The following RPGRIP1L variants were observed in gnomAD, a reference collection of about 807,000 sequenced individuals.
The protein encoded by RPGRIP1L is protein fantom.
A neutral mutation model predicts 160.4 loss-of-function variants in RPGRIP1L; 131 were observed. The ratio of observed to expected loss-of-function variants is 0.82; its 90% confidence interval spans 0.71 to 0.94. The LOEUF is 0.94. Among genes scored for constraint, RPGRIP1L ranks in the 40% least tolerant of loss-of-function variants. The pLI is 0.00. For missense variants in RPGRIP1L, 1,522 were observed against 1,535.8 expected (o/e 0.99, Z 0.15); for synonymous variants, 510 against 515.8 (o/e 0.99, Z 0.15).
At chr16:53,651,911 T>C (rs966237259) in intron 15 of RPGRIP1L, among the ~76,000 whole-genome samples, 2 of 151,610 alleles carry the variant, frequency 1.3e-5, no homozygotes, top group African/African-American at 2.4e-5. Context: ...TATTAAACCA[T>C]AAATAATTTA....
intron 23 of RPGRIP1L, among the ~76,000 whole-genome samples, chr16:53,621,658 A>G (rs1964719631): frequency 6.6e-6 from 1 of 152,174 alleles, no homozygotes; most frequent in African/African-American, 2.4e-5. Flanking sequence ...ATAAATTTTG[A>G]CAAATGATGC....
intron 25 of RPGRIP1L, among the ~76,000 whole-genome samples, chr16:53,609,534 T>A (rs1046194628): frequency 2.6e-5 from 4 of 152,178 alleles, no homozygotes; most frequent in African/African-American, 9.7e-5. Flanking sequence ...TCTCCCAATA[T>A]GATCTCACAT....
chr16:53,649,392 T>C (rs1272568586), intron 15 of RPGRIP1L, among the ~76,000 whole-genome samples: 2 of 152,232 alleles, frequency 1.3e-5, no homozygotes, highest in African/African-American at 2.4e-5. Context: ...TTCTGAAATA[T>C]ATTTTAAAAA....
rs1968873177 is a variant in RPGRIP1L at position 53,673,007 on chromosome 16, T to C, written c.892A>G (p.Thr298Ala). ...AAAGCATCGTGGCTGATTCTGAGAG[T>C]TCTTTGCTTCTAAAAGATAAAAAGA... The part of the protein sequence containing the change: ...KFIQLQEKQR[T>A]LRISHDALMA... The change falls in exon 8 of 27, where the codon ACT (threonine) becomes GCT (alanine). Residue 298 changes from threonine (T) to alanine (A), a missense_variant. Transcript: ENST00000647211. 6.2e-7 allele frequency: 1 copy of C among 1,612,544 alleles called. No homozygotes were observed. Among genetic ancestry groups the C allele is most frequent in the Non-Finnish European group, 8.5e-7 (1 of 1,179,368 alleles).
intron 26 of RPGRIP1L, 27 bp from the exon 27 acceptor site, chr16:53,602,215 T>C (rs1567785977): frequency 6.8e-7 from 1 of 1,463,318 alleles, no homozygotes; most frequent in East Asian, 2.3e-5. Flanking sequence ...AGGAAAGTGT[T>C]AATATCATTC....
At chr16:53,658,571 GAACT>G (rs1405972426) in intron 11 of RPGRIP1L, 107 bp from the exon 12 acceptor site, 27 of 970,666 alleles carry the variant, frequency 2.8e-5, no homozygotes, top group Non-Finnish European at 4.4e-5. Context: ...CTGATGCCAT[GAACT>G]AACAAACTAA....
chr16:53,625,426 G>A (rs1349543803), intron 22 of RPGRIP1L, among the ~76,000 whole-genome samples: 27 of 147,752 alleles, frequency 1.8e-4, no homozygotes, highest in African/African-American at 5.7e-4. Context: ...CCCCGTCTGG[G>A]GGGTGGGGTG....
chr16:53,676,937 T>C (rs2151271089), intron 6 of RPGRIP1L, among the ~76,000 whole-genome samples: 1 of 152,218 alleles, frequency 6.6e-6, no homozygotes, highest in Admixed American at 6.5e-5. Context: ...CCGGCCGCAG[T>C]ATGTTGATAC....
chr16:53,681,625 C>A (rs554766172), intron 6 of RPGRIP1L, among the ~76,000 whole-genome samples: 22 of 152,204 alleles, frequency 1.4e-4, no homozygotes, highest in African/African-American at 5.1e-4. Context: ...TAGACCACAA[C>A]AACAGGAAAA....
chr16:53,665,061 A>G (rs1968124146), intron 9 of RPGRIP1L, 52 bp from the exon 10 acceptor site: 1 of 1,608,388 alleles, frequency 6.2e-7, no homozygotes, highest in Admixed American at 1.7e-5. Flanking sequence ...GCTTCAACCG[A>G]AAATAATAAA....
chr16:53,659,875 G>C (rs927990841), intron 10 of RPGRIP1L: 1 of 151,876 alleles, frequency 6.6e-6, no homozygotes, highest in Non-Finnish European at 1.5e-5. Context: ...GCAAGACTCT[G>C]TCCCCCCAAA....
At chr16:53,603,674 ATGTGTGTGTGTGTGTG>A (rs3035223) in intron 26 of RPGRIP1L, among the ~76,000 whole-genome samples, 31 of 148,062 alleles carry the variant, frequency 2.1e-4, no homozygotes, top group African/African-American at 7.7e-4. Flanking sequence ...TTGAACTTTA[ATGTGTGTGTGTGTGTG>A]TGTGTGTGTG....
chr16:53,615,437 T>C, intron 24 of RPGRIP1L, among the ~76,000 whole-genome samples: 1 of 148,962 alleles, frequency 6.7e-6, no homozygotes, highest in Non-Finnish European at 1.5e-5. Context: ...TTTTTCAGTG[T>C]TGGTATTTCT....
intron 2 of RPGRIP1L, 31 bp from the exon 3 acceptor site, chr16:53,696,326 G>C: frequency 6.2e-7 from 1 of 1,610,858 alleles, no homozygotes; most frequent in Non-Finnish European, 8.5e-7. Flanking sequence ...TTAATTGTGA[G>C]GTTACTTAAA....
intron 25 of RPGRIP1L, among the ~76,000 whole-genome samples, 159 bp downstream of exon 25, chr16:53,610,808 G>C (rs1210984905): frequency 2.0e-5 from 3 of 152,154 alleles, no homozygotes; most frequent in Non-Finnish European, 2.9e-5. Context: ...CTAGGAGGAA[G>C]GCGATCTACA....
chr16:53,698,098 C>T (rs929797415), intron 2 of RPGRIP1L, among the ~76,000 whole-genome samples: 3 of 151,708 alleles, frequency 2.0e-5, no homozygotes, highest in Admixed American at 6.6e-5. Flanking sequence ...GCCACCCCAT[C>T]TGAGAAGGGA....
At chr16:53,622,841 ACAC>A in intron 22 of RPGRIP1L, among the ~76,000 whole-genome samples, 2 of 149,590 alleles carry the variant, frequency 1.3e-5, no homozygotes, top group Non-Finnish European at 3.0e-5. Flanking sequence ...ACACACACAC[ACAC>A]AAATAGCCAG....
rs79806746 is a variant in RPGRIP1L, at chr16:53,615,357, T to C, written c.3616+3668A>G. On this transcript the variant is annotated intron_variant, in intron 24 of 26. Transcript: ENST00000647211. ...CTTTCTCAGCATTCTCTGAGCAAAATTTTCAGGCCCAATAAAATACAAATG... is the reference window on the plus strand; with the variant it reads ...CTTTCTCAGCATTCTCTGAGCAAAACTTTCAGGCCCAATAAAATACAAATG... Among the ~76,000 whole-genome samples, 718 of 151,828 alleles carry C rather than the reference T, an allele frequency of 4.7e-3. 5 individuals are homozygous for C. The highest frequency in any genetic ancestry group is 0.016 in the African/African-American group (671 of 41,412).
intron 22 of RPGRIP1L, among the ~76,000 whole-genome samples, chr16:53,626,265 A>G (rs1598266743): frequency 6.6e-6 from 1 of 152,072 alleles, no homozygotes; most frequent in South Asian, 2.1e-4. Context: ...TTTTAAAGAG[A>G]TGAATAATAA....
Sources: allele counts gnomAD v4.1 joint callset (sites outside exome capture counted in the v4.1 genomes callset), GRCh38; gene constraint gnomAD v4.1.1; transcripts MANE v1.5; gene names NCBI Gene and HGNC (gene_info 2026-07-23, HGNC 2026-07-21).